Variants in SLC6A13 observed in about 807,000 individuals in gnomAD.
The protein encoded by SLC6A13 is sodium- and chloride-dependent GABA transporter 2.
In SLC6A13, 69 loss-of-function variants were observed where a neutral mutation model predicts 72.9. The ratio of observed to expected loss-of-function variants is 0.95; its 90% CI spans 0.78 to 1.16. The LOEUF (loss-of-function observed/expected upper bound fraction) is 1.16. Among genes scored for constraint, SLC6A13 ranks in the 50% most tolerant of loss-of-function variants. The pLI, the probability that SLC6A13 is intolerant of heterozygous loss-of-function variation, is 0.00. For synonymous variants in SLC6A13, 303 were observed against 303.0 expected (o/e 1.00, Z 0.00); for missense variants, 735 against 760.5 (o/e 0.97, Z 0.39).
At chr12:260,845 C>G (rs1204959201) in intron 1 of SLC6A13, among the ~76,000 whole-genome samples, 1 of 152,102 alleles carries the variant, frequency 6.6e-6, no homozygotes, top group Non-Finnish European at 1.5e-5. Context: ...GTTATAGGAA[C>G]ATTTCCTTAT....
In SLC6A13 at chr12:242,610, A is replaced by G. The variant is rs1942205356; in HGVS notation, c.478+4T>C. The stretch of plus-strand genomic sequence containing the variant: ...GGAAGTGGACCCTTGGGTGAGGACC[A>G]TACCTGTGTTCCACTCATGGTAGCA... On this transcript the variant is annotated splice_donor_region_variant and intron_variant, in intron 4 of 14. Transcript: ENST00000343164. The G allele has an allele frequency of 6.2e-7, 1 of 1,613,574 alleles. No homozygotes were observed. Among genetic ancestry groups the G allele is most frequent in the Non-Finnish European group, 8.5e-7 (1 of 1,179,732 alleles).
At chr12:230,046 C>A (rs1196300196) in intron 7 of SLC6A13, among the ~76,000 whole-genome samples, 2 of 152,142 alleles carry the variant, frequency 1.3e-5, no homozygotes, top group Non-Finnish European at 2.9e-5. Flanking sequence ...CAAGCCCCAG[C>A]TCCCCACACA....
At chr12:246,389 A>G (rs946103234) in intron 2 of SLC6A13, among the ~76,000 whole-genome samples, 4 of 152,182 alleles carry the variant, frequency 2.6e-5, no homozygotes, top group African/African-American at 9.6e-5. Flanking sequence ...CTGGTATTCA[A>G]TCGAAAATTA....
At chr12:229,902 AG>A (rs1941636593) in intron 7 of SLC6A13, among the ~76,000 whole-genome samples, 1 of 152,072 alleles carries the variant, frequency 6.6e-6, no homozygotes, top group Admixed American at 6.5e-5. Flanking sequence ...GGGAGGTCGG[AG>A]TGGGGTCATA....
intron 13 of SLC6A13, 84 bp downstream of exon 13, chr12:222,448 A>T: frequency 1.4e-6 from 1 of 735,026 alleles, no homozygotes; most frequent in Non-Finnish European, 2.2e-6. Context: ...GGAGAAGTCC[A>T]TTGCAGGGCT....
chr12:228,042 T>G (rs1941541715), intron 7 of SLC6A13, among the ~76,000 whole-genome samples: 2 of 152,092 alleles, frequency 1.3e-5, no homozygotes, highest in African/African-American at 4.8e-5. Context: ...TGTGGAGGAA[T>G]CCAGGCACAG....
intron 4 of SLC6A13, among the ~76,000 whole-genome samples, chr12:240,705 G>C (rs1942133762): frequency 6.6e-6 from 1 of 152,236 alleles, no homozygotes; most frequent in Non-Finnish European, 1.5e-5. Flanking sequence ...CAGGGCCGGG[G>C]CCGGTGCAGG....
intron 1 of SLC6A13, among the ~76,000 whole-genome samples, chr12:260,318 T>C (rs1015012224): frequency 6.6e-6 from 1 of 152,222 alleles, no homozygotes; most frequent in African/African-American, 2.4e-5. Context: ...TATAAGGCCC[T>C]CTTGGGTTGA....
chr12:226,582 C>G, intron 8 of SLC6A13, 68 bp from the exon 9 acceptor site: 1 of 1,541,972 alleles, frequency 6.5e-7, no homozygotes, highest in Non-Finnish European at 8.8e-7. Context: ...TCTCCTGCTT[C>G]CTGTCTGGGA....
At chr12:245,946 TC>T (rs1942332959) in intron 2 of SLC6A13, among the ~76,000 whole-genome samples, 1 of 151,318 alleles carries the variant, frequency 6.6e-6, no homozygotes, top group Admixed American at 6.6e-5. Context: ...TGAAACCCCA[TC>T]TCTACTAAAA....
At chr12:255,867 C>A (rs1302650025) in intron 2 of SLC6A13, among the ~76,000 whole-genome samples, 1 of 152,146 alleles carries the variant, frequency 6.6e-6, no homozygotes, top group East Asian at 1.9e-4. Flanking sequence ...ATTCACTTGC[C>A]CAGCTCCAGG....
chr12:233,328 G>A (rs1941790046), intron 7 of SLC6A13, among the ~76,000 whole-genome samples: 1 of 152,244 alleles, frequency 6.6e-6, no homozygotes, highest in Non-Finnish European at 1.5e-5. Flanking sequence ...CCAAAGAGGG[G>A]AAGGTAAGAG....
At chr12:257,049 C>T (rs1942770296) in intron 2 of SLC6A13, among the ~76,000 whole-genome samples, 1 of 152,118 alleles carries the variant, frequency 6.6e-6, no homozygotes, top group Non-Finnish European at 1.5e-5. Context: ...AGGGTCCTTT[C>T]AGGAAGAGGC....
At chr12:238,379 A>T in intron 4 of SLC6A13, 3 of 1,291,520 alleles carry the variant, frequency 2.3e-6, no homozygotes, top group Non-Finnish European at 3.0e-6. Context: ...GATGTGTCAG[A>T]GTGGCCGAGA....
Position 242,590 on chromosome 12 carries a change from T to C in SLC6A13, c.478+24A>G, listed in dbSNP as rs142522533. The C allele has an allele frequency of 4.9e-4, 779 of 1,605,712 alleles. 8 individuals carry two copies. In the African/African-American group the frequency reaches 9.1e-3, roughly 19 times the overall value. On this transcript the variant is annotated intron_variant, in intron 4 of 14. Coordinates refer to ENST00000343164, the MANE Select transcript of SLC6A13 (RefSeq NM_016615.5). The stretch of plus-strand genomic sequence containing the variant: ...AATGTGGCAGAACGAGAGGAGGAAG[T>C]GGACCCTTGGGTGAGGACCATACCT...
chr12:252,739 G>A (rs552787539), intron 2 of SLC6A13, among the ~76,000 whole-genome samples: 1 of 152,370 alleles, frequency 6.6e-6, no homozygotes, highest in Non-Finnish European at 1.5e-5. Context: ...AGTCCAGAAA[G>A]AAACAGCTAT....
intron 12 of SLC6A13, 91 bp downstream of exon 12, chr12:223,041 G>A: frequency 3.9e-6 from 3 of 775,460 alleles, no homozygotes; most frequent in Non-Finnish European, 6.5e-6. Flanking sequence ...GAAAAGTTAA[G>A]TGCGAGCAGT....
chr12:252,099 A>G (rs520739), intron 2 of SLC6A13, among the ~76,000 whole-genome samples: 28,510 of 152,238 alleles, frequency 0.19, 3,116 homozygotes, highest in East Asian at 0.37. Context: ...AGGATAAACT[A>G]CTGATACATG....
chr12:259,855 C>T lies in SLC6A13; in HGVS notation c.198G>A (p.Gly66=), dbSNP rs780778152. The T allele has an allele frequency of 1.9e-6, 3 of 1,614,194 alleles. No individual in the cohort carries two copies. Among genetic ancestry groups the T allele is most frequent in the South Asian group, 2.2e-5 (2 of 91,088 alleles). ...WRFPYLCYKN[G]GGAFFIPYLV... Reference sequence around the variant, plus strand: ...GCACAAGGGCTCTCATCTCACCTCCCCCATTTTTGTAGCAGAGATAGGGAA... The same window carrying T: ...GCACAAGGGCTCTCATCTCACCTCCTCCATTTTTGTAGCAGAGATAGGGAA... Residue 66 remains glycine, a synonymous_variant, in exon 2 of 15, where the codon GGG becomes GGA. Coordinates refer to ENST00000343164, the MANE Select transcript of SLC6A13 (RefSeq NM_016615.5).
Sources: allele counts gnomAD v4.1 joint callset (sites outside exome capture counted in the v4.1 genomes callset), GRCh38; gene constraint gnomAD v4.1.1; transcripts MANE v1.5; gene names NCBI Gene and HGNC (gene_info 2026-07-23, HGNC 2026-07-21).